TOGARAM2: variants seen among roughly 807,000 people sequenced by gnomAD.
TOGARAM2 encodes TOG array regulator of axonemal microtubules protein 2.
A neutral mutation model predicts 93.3 loss-of-function variants in TOGARAM2; 85 were observed. The ratio of observed to expected loss-of-function variants is 0.91; its 90% CI spans 0.76 to 1.09. The LOEUF (loss-of-function observed/expected upper bound fraction) is 1.09. TOGARAM2 is among the 50% of genes least tolerant of loss of function. TOGARAM2 has a pLI of 0.00. For missense variants in TOGARAM2, 1,277 were observed against 1,334.5 expected, an observed-to-expected ratio of 0.96 and a Z score of 0.67; for synonymous variants, 593 against 552.8, an observed-to-expected ratio of 1.07 and a Z score of -1.02.
upstream of TOGARAM2, among the ~76,000 whole-genome samples, chr2:28,976,325 C>A (rs1469413043): frequency 6.6e-6 from 1 of 152,202 alleles, no homozygotes; most frequent in African/African-American, 2.4e-5. Context: ...GAGCTGAGAT[C>A]ACACCACTGC....
At chr2:29,045,525 A>G (rs749115342) in intron 19 of TOGARAM2, 115 bp downstream of exon 19, 1 of 892,278 alleles carries the variant, frequency 1.1e-6, no homozygotes, top group Non-Finnish European at 1.8e-6. Context: ...CCCCCCAATC[A>G]TTTAAAATTT....
At chr2:29,028,444 G>T (rs936847101) in intron 14 of TOGARAM2, among the ~76,000 whole-genome samples, 3 of 152,162 alleles carry the variant, frequency 2.0e-5, no homozygotes, top group Non-Finnish European at 4.4e-5. Flanking sequence ...GCCCTGCCTG[G>T]GGTCCACATC....
At chr2:29,032,834 A>G (rs575491947) in intron 14 of TOGARAM2, 100 bp from the exon 15 acceptor site, 1 of 965,520 alleles carries the variant, frequency 1.0e-6, no homozygotes, top group African/African-American at 1.7e-5. Context: ...AAAAAGTATT[A>G]AAAACTCTCT....
chr2:28,978,189 G>A (rs1486916028), upstream of TOGARAM2, among the ~76,000 whole-genome samples: 1 of 152,170 alleles, frequency 6.6e-6, no homozygotes, highest in Non-Finnish European at 1.5e-5. Context: ...TGACAGGCGT[G>A]AGCCACCGTG....
intron 6 of TOGARAM2, among the ~76,000 whole-genome samples, chr2:29,010,003 G>GCAGA (rs1664127837): frequency 6.7e-6 from 1 of 150,140 alleles, no homozygotes; most frequent in Non-Finnish European, 1.5e-5. Flanking sequence ...CAAGTCCTCT[G>GCAGA]AGGCCAAATC....
intron 1 of TOGARAM2, among the ~76,000 whole-genome samples, chr2:28,975,172 T>G (rs1672007808): frequency 1.3e-5 from 2 of 151,948 alleles, no homozygotes; most frequent in Non-Finnish European, 1.5e-5. Context: ...TGCTGAGACG[T>G]TTTATTTTTT....
intron 4 of TOGARAM2, 65 bp downstream of exon 4, chr2:28,999,533 G>T: frequency 6.7e-7 from 1 of 1,484,548 alleles, no homozygotes; most frequent in Non-Finnish European, 9.0e-7. Flanking sequence ...CAGGCCTCCA[G>T]GGCTGTGAGG....
chr2:29,023,311 A>C, intron 12 of TOGARAM2, 120 bp downstream of exon 12: 62 of 799,312 alleles, frequency 7.8e-5, no homozygotes, highest in Middle Eastern at 3.7e-4. Context: ...CTTATTTCTC[A>C]GCCTTCAGCC....
At chr2:28,960,953 G>A (rs1266135291) in intron 1 of TOGARAM2, among the ~76,000 whole-genome samples, 1 of 152,210 alleles carries the variant, frequency 6.6e-6, no homozygotes, top group Non-Finnish European at 1.5e-5. Flanking sequence ...CATCAAAGGT[G>A]ATGCTGTATA....
At chr2:29,011,354 A>T (rs992027100) in intron 6 of TOGARAM2, 101 bp from the exon 7 acceptor site, 1 of 980,150 alleles carries the variant, frequency 1.0e-6, no homozygotes, top group Non-Finnish European at 1.5e-6. Context: ...TCTGTCCCCC[A>T]TCTCGGCCAT....
Position 28,998,240 on chromosome 2 carries a change from G to T in TOGARAM2, c.126G>T (p.Leu42=), listed in dbSNP as rs1360898348. 5 of 1,611,222 alleles carry T rather than the reference G, an allele frequency of 3.1e-6. No homozygotes were observed. Among genetic ancestry groups the T allele is most frequent in the Non-Finnish European group, 4.2e-6 (5 of 1,178,722 alleles). ...VLPPGSINSS[L]PHGEGSLQPE... Reference sequence around the variant, plus strand: ...CGCCTGGAAGCATCAACTCCAGTCTGCCTCATGGAGAAGGTGAGATGGGAA... The same window carrying T: ...CGCCTGGAAGCATCAACTCCAGTCTTCCTCATGGAGAAGGTGAGATGGGAA... Residue 42 remains leucine, a synonymous_variant, in exon 3 of 20, where the codon CTG becomes CTT. Transcript: ENST00000379558.
At chr2:29,028,865 A>T (rs1411985097) in intron 14 of TOGARAM2, among the ~76,000 whole-genome samples, 1 of 152,252 alleles carries the variant, frequency 6.6e-6, no homozygotes, top group Non-Finnish European at 1.5e-5. Flanking sequence ...GGTGAATAAT[A>T]GTGCCATTTG....
Position 29,023,110 on chromosome 2 carries a change from G to C in TOGARAM2, c.1536G>C (p.Val512=), listed in dbSNP as rs777494021. The C allele has an allele frequency of 6.3e-7, 1 of 1,598,968 alleles. No individual in the cohort carries two copies. The highest frequency in any genetic ancestry group is 1.3e-5 in the African/African-American group (1 of 74,776). The change falls in exon 12 of 20, where the codon GTG becomes GTC. Residue 512 remains valine (V), a synonymous_variant. Coordinates refer to ENST00000379558, the MANE Select transcript of TOGARAM2 (RefSeq NM_199280.4). The part of the protein sequence containing the change: ...SDWQMKEKGL[V]SIQRLAACHS... ...GGCAGATGAAGGAGAAGGGTCTGGTGAGCATCCAGCGCTTGGCAGCCTGTC... is the reference window on the plus strand; with the variant it reads ...GGCAGATGAAGGAGAAGGGTCTGGTCAGCATCCAGCGCTTGGCAGCCTGTC...
chr2:28,972,980 C>T (rs1282027105), intron 1 of TOGARAM2, among the ~76,000 whole-genome samples: 1 of 152,242 alleles, frequency 6.6e-6, no homozygotes. Context: ...TGGCCAAGCC[C>T]AATCCCTCGT....
At chr2:29,023,425 C>A (rs1665106143) in intron 12 of TOGARAM2, among the ~76,000 whole-genome samples, 1 of 152,180 alleles carries the variant, frequency 6.6e-6, no homozygotes, top group African/African-American at 2.4e-5. Context: ...ATCCCACATG[C>A]CCATGTGTCG....
chr2:29,038,720 C>T (rs538616582), intron 18 of TOGARAM2, among the ~76,000 whole-genome samples: 5 of 152,290 alleles, frequency 3.3e-5, no homozygotes, highest in African/African-American at 1.2e-4. Context: ...GCTGGGATTA[C>T]AGGTGTGAGC....
chr2:29,002,895 C>T, intron 5 of TOGARAM2, 148 bp downstream of exon 5: 1 of 728,978 alleles, frequency 1.4e-6, no homozygotes, highest in Non-Finnish European at 2.2e-6. Flanking sequence ...ATAGGGACAG[C>T]ACTGGGAGAG....
intron 18 of TOGARAM2, among the ~76,000 whole-genome samples, chr2:29,041,049 G>A (rs577241104): frequency 2.4e-3 from 350 of 144,638 alleles, no homozygotes; most frequent in Non-Finnish European, 4.1e-3. Flanking sequence ...TTTTGAGATG[G>A]AGTCTGGCTC....
chr2:29,021,853 G>C (rs965299582), intron 10 of TOGARAM2, among the ~76,000 whole-genome samples: 1 of 152,212 alleles, frequency 6.6e-6, no homozygotes, highest in Non-Finnish European at 1.5e-5. Flanking sequence ...CCCCCTGACT[G>C]GGGGGTTTAG....
Sources: allele counts gnomAD v4.1 joint callset (sites outside exome capture counted in the v4.1 genomes callset), GRCh38; gene constraint gnomAD v4.1.1; transcripts MANE v1.5; gene names NCBI Gene and HGNC (gene_info 2026-07-23, HGNC 2026-07-21).